BORCS8: variants seen among roughly 807,000 people sequenced by gnomAD.
BORCS8 encodes the protein BLOC-1 related complex subunit 8, also known as BLOC-1-related complex subunit 8.
Under a neutral mutation model 18.7 loss-of-function variants are expected in BORCS8, and 13 were observed. The observed-to-expected ratio is 0.70, with a 90% CI of 0.45 to 1.11. The LOEUF is 1.11. Ranked by LOEUF, BORCS8 falls within the 50% of genes least tolerant of loss-of-function variation. The pLI is 0.00. For missense variants in BORCS8, 165 were observed against 165.7 expected (o/e 1.00, Z 0.02); for synonymous variants, 68 against 64.8 (o/e 1.05, Z -0.24).
chr19:19,186,792 C>G (rs771544760), intron 2 of BORCS8, 101 bp downstream of exon 2: 3 of 738,592 alleles, frequency 4.1e-6, no homozygotes, highest in Non-Finnish European at 6.5e-6. Flanking sequence ...CTGTCCACCA[C>G]GCCTCTGACC....
At chr19:19,190,169 T>C in intron 1 of BORCS8, among the ~76,000 whole-genome samples, 1 of 152,194 alleles carries the variant, frequency 6.6e-6, no homozygotes, top group East Asian at 1.9e-4. Context: ...TTTTGTTCCT[T>C]TCTCTTAATA....
At chr19:19,181,797 G>T in intron 4 of BORCS8, 1 of 922,628 alleles carries the variant, frequency 1.1e-6, no homozygotes, top group Non-Finnish European at 1.3e-6. Flanking sequence ...TTTGCCCAGT[G>T]GGGGACAGGC....
Position 19,185,639 on chromosome 19 carries a change from T to C in BORCS8, c.215+395A>G, listed in dbSNP as rs555856426. ...AGGCGGACGTTGCAGTGAACTGAGA[T>C]CATGCCACTGCACTCCAGCCTGGGT... On this transcript the variant is annotated intron_variant, in intron 3 of 5. Transcript: ENST00000462790. Among the ~76,000 whole-genome samples the C allele has an allele frequency of 2.0e-5, 3 of 152,286 alleles. No homozygotes were observed. In the East Asian group the frequency reaches 5.8e-4, roughly 29 times the overall value.
chr19:19,188,321 C>T (rs960872258), intron 1 of BORCS8, among the ~76,000 whole-genome samples: 2 of 152,190 alleles, frequency 1.3e-5, no homozygotes, highest in Non-Finnish European at 2.9e-5. Flanking sequence ...AGCCACCGCG[C>T]CCGGCTCATT....
chr19:19,190,445 C>T (rs2060455305), intron 1 of BORCS8, among the ~76,000 whole-genome samples: 1 of 152,196 alleles, frequency 6.6e-6, no homozygotes, highest in Non-Finnish European at 1.5e-5. Flanking sequence ...GCCCAGCCTG[C>T]CACCTCCAAA....
At chr19:19,184,175 C>A (rs948879693) in intron 3 of BORCS8, among the ~76,000 whole-genome samples, 6 of 152,022 alleles carry the variant, frequency 3.9e-5, no homozygotes, top group African/African-American at 1.4e-4. Flanking sequence ...GTCACTGCAC[C>A]CAGTTTCATT....
intron 5 of BORCS8, 102 bp downstream of exon 5, chr19:19,180,584 A>G: frequency 1.2e-6 from 1 of 813,224 alleles, no homozygotes; most frequent in Non-Finnish European, 2.1e-6. Flanking sequence ...CCAGTGAGAA[A>G]CCCCAAGTGG....
intron 1 of BORCS8, 67 bp downstream of exon 1, chr19:19,192,014 G>A (rs1458480130): frequency 3.2e-6 from 5 of 1,539,364 alleles, no homozygotes; most frequent in Non-Finnish European, 4.4e-6. Context: ...CTCCGCGCCC[G>A]GCCTTTGTCA....
intron 5 of BORCS8, chr19:19,178,256 G>A (rs2060319153): frequency 6.6e-6 from 1 of 152,392 alleles, no homozygotes; most frequent in African/African-American, 2.4e-5. Flanking sequence ...CTGGACTTCT[G>A]GGAACATGGA....
rs1380569791 is a variant in BORCS8, at chr19:19,187,005, A to C, written c.38T>G (p.Val13Gly). The C allele has an allele frequency of 6.5e-7, 1 of 1,550,158 alleles. No homozygotes were observed. Among genetic ancestry groups the C allele is most frequent in the Non-Finnish European group, 8.7e-7 (1 of 1,146,050 alleles). ...EPEMQLKGKK[V>G]TDKFTESVYV... Reference sequence around the variant, plus strand: ...GACGCTCTCAGTGAACTTGTCCGTGACTAGATACAGGTGGTAGGGATGGGG... The same window carrying C: ...GACGCTCTCAGTGAACTTGTCCGTGCCTAGATACAGGTGGTAGGGATGGGG... The change falls in exon 2 of 6, where the codon GTC (valine) becomes GGC (glycine). Residue 13 changes from valine (V) to glycine (G), a missense_variant and splice_region_variant. Transcript: ENST00000462790.
At chr19:19,189,354 T>C (rs1417524276) in intron 1 of BORCS8, among the ~76,000 whole-genome samples, 3 of 152,176 alleles carry the variant, frequency 2.0e-5, no homozygotes, top group African/African-American at 4.8e-5. Flanking sequence ...CCCTGGCCTC[T>C]CTGCTTCCCC....
rs566625799 is a variant in BORCS8, at chr19:19,182,640, C to G, written c.259G>C (p.Val87Leu). The G allele has an allele frequency of 6.4e-7, 1 of 1,551,314 alleles. No homozygotes were observed. The highest frequency in any genetic ancestry group is 1.2e-5 in the South Asian group (1 of 84,058). ...LVDSSVYFRS[V>L]EGLLKQAISI... ...ATGGCCTGTTTGAGCAGACCCTCCA[C>G]GCTGCGGAAGTAGACGCTGCTGTCC... The change falls in exon 4 of 6, where the codon GTG becomes CTG. Residue 87 changes from valine (V) to leucine (L), a missense_variant. By Grantham distance (32) the Val-to-Leu change is conservative. Coordinates refer to ENST00000462790, the MANE Select transcript of BORCS8 (RefSeq NM_001145784.2). This position sits in a 1 kb window ranked among gnomAD's most constrained non-coding sequence, Gnocchi z 4.1.
In BORCS8 at chr19:19,182,779, C is replaced by A. The variant is rs1479669022; in HGVS notation, c.216-96G>T. On this transcript the variant is annotated intron_variant, in intron 3 of 5. Transcript: ENST00000462790. This position sits in a 1 kb window ranked among gnomAD's most constrained non-coding sequence, Gnocchi z 4.1. The stretch of plus-strand genomic sequence containing the variant: ...GGTCACCACCAGGGCTCGGTGGGTA[C>A]CTCAGTGATTCTGCGGGCTTCCCGA... 4.9e-6 allele frequency: 7 copies of A among 1,425,424 alleles called. No homozygotes were observed. In the East Asian group the frequency reaches 1.3e-4, roughly 26 times the overall value. 88.3% of individuals were successfully genotyped at this position (1,425,424 alleles called of 1,614,324 possible).
intron 2 of BORCS8, among the ~76,000 whole-genome samples, chr19:19,186,483 T>C (rs3787040): frequency 0.49 from 75,097 of 152,078 alleles, 18,775 homozygotes; most frequent in East Asian, 0.57. Flanking sequence ...ATCATAGAGG[T>C]GGTTCCCCTC....
intron 2 of BORCS8, 62 bp downstream of exon 2, chr19:19,186,831 G>T (rs1006614851): frequency 2.1e-5 from 26 of 1,240,460 alleles, no homozygotes; most frequent in Non-Finnish European, 2.9e-5. Context: ...CCTCCTTGCT[G>T]GTGTCCCAGC....
chr19:19,185,797 G>A (rs1230335438), intron 3 of BORCS8, among the ~76,000 whole-genome samples: 1 of 152,236 alleles, frequency 6.6e-6, no homozygotes, highest in Non-Finnish European at 1.5e-5. Context: ...CTGGTCCCCA[G>A]AGGCATCTTC....
chr19:19,186,907 G>C lies in BORCS8; in HGVS notation c.136C>G (p.Leu46Val). 1 of 1,549,546 alleles carries C rather than the reference G, an allele frequency of 6.5e-7. No homozygotes were observed. The highest frequency in any genetic ancestry group is 8.7e-7 in the Non-Finnish European group (1 of 1,146,400). ...CCCCAGCTCACCTTGTGCTGGGCCA[G>C]CTCGGGGAGGGAGCGACGCACATGC... ...QEHVRRSLPE[L>V]AQHKADMQRW... Residue 46 changes from leucine (L) to valine (V), a missense_variant, in exon 2 of 6, where the codon CTG becomes GTG. Coordinates refer to ENST00000462790, the MANE Select transcript of BORCS8 (RefSeq NM_001145784.2).
chr19:19,185,075 ACTGT>A (rs757104308), intron 3 of BORCS8, among the ~76,000 whole-genome samples: 3 of 152,344 alleles, frequency 2.0e-5, no homozygotes. Context: ...TAAGGAAGAT[ACTGT>A]CTGTCTGGTC....
In BORCS8 at chr19:19,177,445, T is replaced by G. The variant is rs1035466453; in HGVS notation, c.*58A>C. On this transcript the variant is annotated 3_prime_UTR_variant, in exon 6 of 6. Transcript: ENST00000462790. ...GAGTTTGAGACCAGCCTAGCCAACA[T>G]GGTGAAACCCCGTCTCTACAAAAAA... 2.0e-5 allele frequency: 3 copies of G among 152,328 alleles called. No individual in the cohort carries two copies. Among genetic ancestry groups the G allele is most frequent in the African/African-American group, 7.3e-5 (3 of 41,362 alleles). 9.4% of individuals were successfully genotyped at this position (152,328 alleles called of 1,614,324 possible).
Sources: gnomAD v4.1 joint callset for allele counts (sites outside exome capture counted in the v4.1 genomes callset) on GRCh38, gnomAD v4.1.1 for gene constraint, Gnocchi (gnomAD v3.1) non-coding constraint, MANE v1.5 for transcripts, NCBI Gene and HGNC (gene_info 2026-07-23, HGNC 2026-07-21) for gene names.